The following MAN1A1 variants were observed in gnomAD, a reference collection of about 807,000 sequenced individuals.
MAN1A1 encodes the protein mannosidase alpha class 1A member 1.
A neutral mutation model predicts 70.8 loss-of-function variants in MAN1A1; 29 were observed. The ratio of observed to expected loss-of-function variants is 0.41; its 90% CI spans 0.31 to 0.56. The LOEUF is 0.56. MAN1A1 is among the 20% of genes least tolerant of loss of function. The pLI, the probability that MAN1A1 is intolerant of heterozygous loss-of-function variation, is 0.29. For missense variants in MAN1A1, 747 were observed against 841.3 expected (o/e 0.89, Z 1.39); for synonymous variants, 349 against 330.1 (o/e 1.06, Z -0.62).
At chr6:119,188,119 C>G (rs368521287) in intron 11 of MAN1A1, among the ~76,000 whole-genome samples, 5 of 152,164 alleles carry the variant, frequency 3.3e-5, no homozygotes, top group African/African-American at 1.2e-4. Flanking sequence ...ATTAAGAGAT[C>G]ATCATTTTTG....
chr6:119,328,339 C>A (rs1443884761), intron 2 of MAN1A1, among the ~76,000 whole-genome samples: 1 of 152,190 alleles, frequency 6.6e-6, no homozygotes, highest in East Asian at 1.9e-4. Flanking sequence ...CATCCGCTCA[C>A]TTGCTGGCTC....
intron 2 of MAN1A1, among the ~76,000 whole-genome samples, chr6:119,318,874 T>C (rs554732445): frequency 5.9e-5 from 9 of 152,218 alleles, no homozygotes; most frequent in African/African-American, 2.2e-4. Flanking sequence ...CTTGGTTTCA[T>C]TGAGGATTGT....
At chr6:119,309,274 A>G (rs1270496820) in intron 2 of MAN1A1, among the ~76,000 whole-genome samples, 1 of 152,236 alleles carries the variant, frequency 6.6e-6, no homozygotes, top group Non-Finnish European at 1.5e-5. Flanking sequence ...ACACATGCAT[A>G]GAATAACTAT....
chr6:119,288,323 C>T (rs1776433994), intron 5 of MAN1A1, among the ~76,000 whole-genome samples: 1 of 151,926 alleles, frequency 6.6e-6, no homozygotes, highest in Non-Finnish European at 1.5e-5. Context: ...CTATGAGATA[C>T]ATAGAAAGAC....
chr6:119,255,950 C>T (rs956853744), intron 5 of MAN1A1, among the ~76,000 whole-genome samples: 6 of 152,062 alleles, frequency 3.9e-5, no homozygotes, highest in African/African-American at 1.2e-4. Flanking sequence ...TAGATGACTG[C>T]TTTTGTCAAT....
intron 4 of MAN1A1, among the ~76,000 whole-genome samples, chr6:119,294,606 T>G (rs1772148597): frequency 6.6e-6 from 1 of 152,172 alleles, no homozygotes; most frequent in South Asian, 2.1e-4. Flanking sequence ...ACATCCCGTC[T>G]TTTATTTAAA....
intron 2 of MAN1A1, among the ~76,000 whole-genome samples, chr6:119,329,617 C>T (rs563423031): frequency 1.3e-5 from 2 of 152,242 alleles, no homozygotes; most frequent in Admixed American, 6.5e-5. Context: ...GGTTGAATCC[C>T]GCTAAGGAAA....
At chr6:119,200,027 G>A (rs141626818) in intron 8 of MAN1A1, among the ~76,000 whole-genome samples, 2 of 152,252 alleles carry the variant, frequency 1.3e-5, no homozygotes, top group African/African-American at 4.8e-5. Context: ...ACCTAACACT[G>A]TAGGTGTAAA....
In MAN1A1 at chr6:119,209,090, C is replaced by CCAAAAAAAAA. The variant is rs1554204284; in HGVS notation, c.993-4209_993-4208insTTTTTTTTTG. ...AGGGTGATAGAGTAAGACCCCGTCT[C>CCAAAAAAAAA]AAAAAAAAAAAAAAAAAAAGGTATA... On this transcript the variant is annotated intron_variant, in intron 6 of 12. Coordinates refer to ENST00000368468, the MANE Select transcript of MAN1A1 (RefSeq NM_005907.4). 2.2e-5 allele frequency among the ~76,000 whole-genome samples: 2 copies of CCAAAAAAAAA among 89,080 alleles called. 1 individual carries two copies. The highest frequency in any genetic ancestry group is 4.3e-5 in the Non-Finnish European group (2 of 46,230). 58.4% of individuals were successfully genotyped at this position (89,080 alleles called of 152,430 possible). A position where few individuals can be genotyped will look rare whatever the true frequency, so the allele number is the denominator to read the frequency against.
chr6:119,328,527 A>T (rs1773218606), intron 2 of MAN1A1, among the ~76,000 whole-genome samples: 1 of 149,358 alleles, frequency 6.7e-6, no homozygotes, highest in Middle Eastern at 3.4e-3. Context: ...AGTAGGTTAA[A>T]ACAAAGTGAG....
At chr6:119,207,705 A>G (rs546409736) in intron 6 of MAN1A1, among the ~76,000 whole-genome samples, 1 of 152,322 alleles carries the variant, frequency 6.6e-6, no homozygotes, top group South Asian at 2.1e-4. Context: ...CTATGTGTTT[A>G]TAAGGCTTTA....
At chr6:119,290,418 G>C (rs1349924439) in intron 5 of MAN1A1, among the ~76,000 whole-genome samples, 1 of 151,916 alleles carries the variant, frequency 6.6e-6, no homozygotes, top group Non-Finnish European at 1.5e-5. Flanking sequence ...ATAATTTGTA[G>C]CTATAATCAC....
intron 5 of MAN1A1, among the ~76,000 whole-genome samples, chr6:119,286,601 G>A (rs1256853631): frequency 6.6e-6 from 1 of 152,104 alleles, no homozygotes; most frequent in East Asian, 1.9e-4. Context: ...CTCATCTACT[G>A]TAAAAATCCA....
intron 4 of MAN1A1, among the ~76,000 whole-genome samples, chr6:119,301,711 A>G (rs549266682): frequency 1.2e-4 from 19 of 152,350 alleles, no homozygotes; most frequent in African/African-American, 4.6e-4. Flanking sequence ...CCCATCTCAT[A>G]GAGTTGCAGT....
At chr6:119,205,661 A>G (rs1236040201) in intron 6 of MAN1A1, among the ~76,000 whole-genome samples, 1 of 152,234 alleles carries the variant, frequency 6.6e-6, no homozygotes. Flanking sequence ...CTCCTGAGAC[A>G]TGGCAGTACT....
chr6:119,256,143 A>G (rs1775451695), intron 5 of MAN1A1, among the ~76,000 whole-genome samples: 1 of 152,174 alleles, frequency 6.6e-6, no homozygotes, highest in African/African-American at 2.4e-5. Flanking sequence ...TATAACCAAG[A>G]AGAATCAAGG....
chr6:119,268,331 G>C (rs1378465706), intron 5 of MAN1A1, among the ~76,000 whole-genome samples: 1 of 152,108 alleles, frequency 6.6e-6, no homozygotes, highest in Non-Finnish European at 1.5e-5. Context: ...AAAATACAGG[G>C]AAGGAGCAAG....
intron 6 of MAN1A1, among the ~76,000 whole-genome samples, chr6:119,209,892 G>A (rs1438610518): frequency 6.6e-6 from 1 of 152,140 alleles, no homozygotes; most frequent in Non-Finnish European, 1.5e-5. Context: ...GGCTAATAGA[G>A]GGCAGCTATT....
At chr6:119,274,568 T>A (rs1164072639) in intron 5 of MAN1A1, among the ~76,000 whole-genome samples, 4 of 152,204 alleles carry the variant, frequency 2.6e-5, no homozygotes, top group African/African-American at 4.8e-5. Context: ...AAAATAATAT[T>A]TTTTTCTAAA....
Sources: allele counts gnomAD v4.1 joint callset (sites outside exome capture counted in the v4.1 genomes callset), GRCh38; gene constraint gnomAD v4.1.1; transcripts MANE v1.5; gene names NCBI Gene and HGNC (gene_info 2026-07-23, HGNC 2026-07-21).